Variants in IPO5 observed in about 807,000 individuals in gnomAD.
IPO5 encodes importin-5.
IPO5 carries 18 observed loss-of-function variants against 143.3 expected under a neutral mutation model. The ratio of observed to expected loss-of-function variants is 0.13; its 90% CI spans 0.09 to 0.19. IPO5 has a LOEUF of 0.19. Ranked by LOEUF, IPO5 falls within the 10% of genes least tolerant of loss-of-function variation. The pLI, the probability that IPO5 is intolerant of heterozygous loss-of-function variation, is 1.00. For missense variants in IPO5, 1,013 were observed against 1,336.9 expected (o/e 0.76, Z 3.78); for synonymous variants, 477 against 465.7 (o/e 1.02, Z -0.31).
chr13:97,974,898 T>C (rs1886137818), intron 3 of IPO5, among the ~76,000 whole-genome samples: 1 of 152,090 alleles, frequency 6.6e-6, no homozygotes, highest in Non-Finnish European at 1.5e-5. Context: ...AGGAACCAAT[T>C]AGAATCCTTT....
chr13:98,014,365 C>T (rs1185176390), intron 22 of IPO5, 151 bp downstream of exon 22: 1 of 558,866 alleles, frequency 1.8e-6, no homozygotes, highest in South Asian at 2.4e-5. Context: ...GCAACCTCCA[C>T]CTCCTGGGTT....
chr13:97,990,270 T>A, intron 8 of IPO5, 48 bp downstream of exon 8: 1 of 1,391,776 alleles, frequency 7.2e-7, no homozygotes, highest in Non-Finnish European at 1.0e-6. Context: ...TTAATCTAAT[T>A]TGCGAAAGAA....
intron 2 of IPO5, among the ~76,000 whole-genome samples, chr13:97,967,135 G>A (rs1001475333): frequency 1.8e-4 from 27 of 152,108 alleles, no homozygotes; most frequent in Admixed American, 1.6e-3. Context: ...TTTGATTTGC[G>A]TTTTTCTAGA....
intron 4 of IPO5, chr13:97,977,037 TC>T: frequency 4.9e-6 from 1 of 202,638 alleles, no homozygotes; most frequent in Non-Finnish European, 1.1e-5. Flanking sequence ...GTGCGGCCGC[TC>T]CCGACGCGCC....
chr13:97,990,068 A>G, intron 7 of IPO5, 58 bp from the exon 8 acceptor site: 1 of 1,027,534 alleles, frequency 9.7e-7, no homozygotes, highest in Non-Finnish European at 1.5e-6. Flanking sequence ...TCTAGCTCAT[A>G]CTTTACCAAG....
chr13:97,992,643 T>C (rs1359417095), intron 9 of IPO5, among the ~76,000 whole-genome samples: 1 of 152,194 alleles, frequency 6.6e-6, no homozygotes, highest in Non-Finnish European at 1.5e-5. Context: ...GTAATGGTTA[T>C]TATAGTTTCA....
In IPO5 at chr13:98,009,901, A is replaced by G. The variant is rs764721950; in HGVS notation, c.1821A>G (p.Ala607=). 3.3e-5 allele frequency: 53 copies of G among 1,610,852 alleles called. No homozygotes were observed. The highest frequency in any genetic ancestry group is 4.2e-5 in the Non-Finnish European group (49 of 1,178,180). The stretch of plus-strand genomic sequence containing the variant: ...CCCAGATCTCTTACATGATCTCAGC[A>G]TGGGCCAGAATGTGCAAAATCCTTG... ...DDPQISYMIS[A]WARMCKILGK... The change falls in exon 19 of 29, where the codon GCA becomes GCG. Residue 607 remains alanine, a synonymous_variant. Coordinates refer to ENST00000651721, the MANE Select transcript of IPO5 (RefSeq NM_002271.6).
intron 11 of IPO5, among the ~76,000 whole-genome samples, chr13:97,994,895 G>A (rs184869869): frequency 1.2e-4 from 18 of 152,272 alleles, no homozygotes; most frequent in African/African-American, 2.4e-4. Context: ...GAAAGCCAAG[G>A]TGGGTAAATT....
In IPO5 at chr13:98,006,919, G is replaced by A. The variant is rs200575145; in HGVS notation, c.1716+571G>A. 2.1e-4 allele frequency among the ~76,000 whole-genome samples: 31 copies of A among 145,726 alleles called. No homozygotes were observed. In the East Asian group the frequency reaches 6.0e-3, roughly 28 times the overall value. ...CTCACTCTATCACCCAGGCTGGAGT[G>A]CAGTGGCATGATCCTGGCTCACTGC... On this transcript the variant is annotated intron_variant, in intron 17 of 28. Coordinates refer to ENST00000651721, the MANE Select transcript of IPO5 (RefSeq NM_002271.6).
chr13:97,987,950 ATTTTT>A, intron 6 of IPO5: 1 of 242,654 alleles, frequency 4.1e-6, no homozygotes. Context: ...GCTCTCATAG[ATTTTT>A]TTTTTTTAAG....
chr13:97,991,252 A>C (rs190066079), intron 9 of IPO5, among the ~76,000 whole-genome samples: 2 of 152,184 alleles, frequency 1.3e-5, no homozygotes, highest in Admixed American at 1.3e-4. Context: ...ACAAAAAAGA[A>C]ATGCAAAGAA....
intron 22 of IPO5, among the ~76,000 whole-genome samples, chr13:98,014,581 T>TA (rs895815554): frequency 5.6e-4 from 86 of 152,336 alleles, no homozygotes; most frequent in African/African-American, 2.1e-3. Context: ...TATGATTTGT[T>TA]AAAAAATAAA....
intron 3 of IPO5, among the ~76,000 whole-genome samples, chr13:97,973,178 G>C (rs1411623986): frequency 6.6e-6 from 1 of 151,392 alleles, no homozygotes; most frequent in Non-Finnish European, 1.5e-5. Flanking sequence ...GAGTAGCTGG[G>C]ATTACAGGCA....
chr13:98,018,968 G>A (rs1276228648), intron 26 of IPO5, among the ~76,000 whole-genome samples: 1 of 128,670 alleles, frequency 7.8e-6, no homozygotes, highest in Non-Finnish European at 1.8e-5. Flanking sequence ...CCTTAGAATA[G>A]GACTTTTTTT....
intron 2 of IPO5, among the ~76,000 whole-genome samples, chr13:97,954,912 G>C (rs1377607555): frequency 2.6e-5 from 4 of 152,134 alleles, no homozygotes. Flanking sequence ...TAAAACTCTG[G>C]AATGCAATTA....
At chr13:98,001,009 G>A in intron 13 of IPO5, 1 of 225,268 alleles carries the variant, frequency 4.4e-6, no homozygotes, top group Admixed American at 5.2e-5. Context: ...TGCCCCTGAC[G>A]GAGGTGATGG....
chr13:97,955,706 C>T (rs960640445), intron 2 of IPO5, among the ~76,000 whole-genome samples: 1 of 152,074 alleles, frequency 6.6e-6, no homozygotes, highest in Non-Finnish European at 1.5e-5. Flanking sequence ...GAAATGGAGG[C>T]CTCAGGAAGC....
chr13:98,010,039 G>A (rs199497422), intron 19 of IPO5, 26 bp downstream of exon 19: 21 of 1,613,554 alleles, frequency 1.3e-5, no homozygotes, highest in African/African-American at 2.7e-5. Context: ...AGGAGCTATC[G>A]GTTATAATAG....
chr13:98,003,706 G>A (rs1254225954), intron 16 of IPO5, among the ~76,000 whole-genome samples: 9 of 151,966 alleles, frequency 5.9e-5, no homozygotes, highest in Admixed American at 1.3e-4. Flanking sequence ...AAAATTAGCC[G>A]GGTGTGGTGG....
Sources: allele counts gnomAD v4.1 joint callset (sites outside exome capture counted in the v4.1 genomes callset), GRCh38; gene constraint gnomAD v4.1.1; transcripts MANE v1.5; gene names NCBI Gene and HGNC (gene_info 2026-07-23, HGNC 2026-07-21).